The following SH3RF2 variants were observed in gnomAD, a reference collection of about 807,000 sequenced individuals.
SH3RF2 encodes the protein E3 ubiquitin-protein ligase SH3RF2.
A neutral mutation model predicts 59.0 loss-of-function variants in SH3RF2; 43 were observed. The observed-to-expected ratio is 0.73, with a 90% CI of 0.57 to 0.94. The LOEUF (loss-of-function observed/expected upper bound fraction) is 0.94. SH3RF2 is among the 40% of genes least tolerant of loss of function. The pLI is 0.00. For missense variants in SH3RF2, 930 were observed against 940.1 expected, an observed-to-expected ratio of 0.99 and a Z score of 0.14; for synonymous variants, 391 against 391.5, an observed-to-expected ratio of 1.00 and a Z score of 0.01.
chr5:145,984,424 C>T (rs866971840), intron 2 of SH3RF2, among the ~76,000 whole-genome samples: 2 of 152,132 alleles, frequency 1.3e-5, no homozygotes, highest in Admixed American at 6.6e-5. Flanking sequence ...AAAGACTCAG[C>T]GAACAATGCC....
chr5:146,076,651 G>A (rs1229954734), intron 9 of SH3RF2, among the ~76,000 whole-genome samples: 2 of 152,200 alleles, frequency 1.3e-5, no homozygotes, highest in Non-Finnish European at 1.5e-5. Flanking sequence ...TTGCTGTTGT[G>A]CTGAATGGAG....
At chr5:146,041,957 A>AATAAT (rs1361074712) in intron 5 of SH3RF2, among the ~76,000 whole-genome samples, 1 of 152,074 alleles carries the variant, frequency 6.6e-6, no homozygotes, top group Non-Finnish European at 1.5e-5. Context: ...AATAAAATAA[A>AATAAT]ATGTAGCCCT....
At chr5:146,050,209 G>A (rs1762447916) in intron 7 of SH3RF2, 1 of 152,280 alleles carries the variant, frequency 6.6e-6, no homozygotes, top group African/African-American at 2.4e-5. Flanking sequence ...AAGGGACAGA[G>A]GGATCACAAT....
At chr5:146,013,271 G>T (rs373550479) in intron 4 of SH3RF2, among the ~76,000 whole-genome samples, 1 of 152,166 alleles carries the variant, frequency 6.6e-6, no homozygotes, top group Admixed American at 6.5e-5. Context: ...TGGGGGAAAG[G>T]CAAGTAAAGG....
intron 2 of SH3RF2, among the ~76,000 whole-genome samples, chr5:145,947,983 C>T (rs1258173288): frequency 6.6e-6 from 1 of 152,016 alleles, no homozygotes; most frequent in Non-Finnish European, 1.5e-5. Flanking sequence ...ACTTATTATG[C>T]ATGATGCAGT....
chr5:145,986,034 T>C (rs1759690992), intron 2 of SH3RF2, among the ~76,000 whole-genome samples: 1 of 137,066 alleles, frequency 7.3e-6, no homozygotes, highest in South Asian at 2.1e-4. Flanking sequence ...AATAAATAAA[T>C]AAATAAATAA....
intron 2 of SH3RF2, chr5:145,997,115 G>A (rs1001015237): frequency 1.6e-6 from 1 of 628,574 alleles, no homozygotes; most frequent in African/African-American, 1.8e-5. Flanking sequence ...CATTTGTTGT[G>A]CAGGTTATTT....
Position 146,062,564 on chromosome 5 carries a change from A to G in SH3RF2, c.2053A>G (p.Met685Val), listed in dbSNP as rs770834126. The change falls in exon 10 of 10, where the codon ATG becomes GTG. Residue 685 changes from methionine to valine, a missense_variant. By Grantham distance (21) the Met-to-Val change is conservative (BLOSUM62 1). Coordinates refer to ENST00000359120, the MANE Select transcript of SH3RF2 (RefSeq NM_152550.4). Reference protein sequence around the residue: ...QPEAASLGPEMTVLFAHRSGC... With the variant: ...QPEAASLGPEVTVLFAHRSGC... ...TGAAGCAGCGTCCTTGGGCCCAGAG[A>G]TGACCGTCCTATTTGCCCACCGAAG... 2 of 1,614,064 alleles carry G rather than the reference A, an allele frequency of 1.2e-6. No individual in the cohort carries two copies. The highest frequency in any genetic ancestry group is 2.2e-5 in the South Asian group (2 of 91,070).
intron 9 of SH3RF2, among the ~76,000 whole-genome samples, chr5:146,068,337 C>T (rs543884497): frequency 5.9e-5 from 9 of 152,328 alleles, no homozygotes; most frequent in Admixed American, 3.9e-4. Context: ...GCAGGCAGAA[C>T]GGCAAAGTCC....
chr5:146,049,003 C>T (rs1561762513), intron 6 of SH3RF2, 72 bp from the exon 7 acceptor site: 2 of 1,563,678 alleles, frequency 1.3e-6, no homozygotes, highest in Non-Finnish European at 1.8e-6. Flanking sequence ...CTCTCTCCAC[C>T]ATTCCCCCAC....
At chr5:146,032,070 A>G (rs988362462) in intron 5 of SH3RF2, among the ~76,000 whole-genome samples, 4 of 152,258 alleles carry the variant, frequency 2.6e-5, no homozygotes, top group South Asian at 4.1e-4. Context: ...CCCATCATCT[A>G]TCTCTGCTTC....
chr5:146,070,976 A>T (rs1181887016), intron 9 of SH3RF2, among the ~76,000 whole-genome samples: 4 of 152,170 alleles, frequency 2.6e-5, no homozygotes, highest in African/African-American at 9.7e-5. Flanking sequence ...AGCATGACCG[A>T]CCGACTTAAT....
chr5:145,966,692 A>G (rs2149958603), intron 2 of SH3RF2, among the ~76,000 whole-genome samples: 1 of 152,314 alleles, frequency 6.6e-6, no homozygotes, highest in South Asian at 2.1e-4. Flanking sequence ...AAAGAAAGAG[A>G]TGATAAGAAG....
intron 5 of SH3RF2, among the ~76,000 whole-genome samples, chr5:146,014,434 G>T (rs576792120): frequency 6.6e-6 from 1 of 152,138 alleles, no homozygotes; most frequent in South Asian, 2.1e-4. Context: ...GAGTGTTTTG[G>T]CATCACAATC....
chr5:145,997,453 T>C (rs1580833491), intron 2 of SH3RF2: 1 of 1,509,706 alleles, frequency 6.6e-7, no homozygotes. Context: ...GATGTTTATG[T>C]CTTTGTGAAA....
downstream of SH3RF2, among the ~76,000 whole-genome samples, chr5:146,063,794 A>G (rs1284132855): frequency 6.6e-6 from 1 of 152,184 alleles, no homozygotes; most frequent in Non-Finnish European, 1.5e-5. Flanking sequence ...CGGGAGGCGG[A>G]GATTACAGTG....
chr5:146,038,227 C>A (rs938571992), intron 5 of SH3RF2, among the ~76,000 whole-genome samples: 2 of 152,082 alleles, frequency 1.3e-5, no homozygotes, highest in African/African-American at 4.8e-5. Flanking sequence ...AAACATCATA[C>A]TTAATGGTGA....
chr5:145,989,814 G>T (rs1384175276), intron 2 of SH3RF2, among the ~76,000 whole-genome samples: 3 of 152,104 alleles, frequency 2.0e-5, no homozygotes, highest in African/African-American at 7.2e-5. Context: ...TTTTTCCCTT[G>T]TATGTGTCAC....
At chr5:145,961,174 C>CTT (rs869156939) in intron 2 of SH3RF2, among the ~76,000 whole-genome samples, 1,734 of 90,870 alleles carry the variant, frequency 0.019, 139 homozygotes, top group African/African-American at 0.057. Context: ...CTGCATCCTC[C>CTT]TTTTTTTTTT....
Sources: allele counts gnomAD v4.1 joint callset (sites outside exome capture counted in the v4.1 genomes callset), GRCh38; gene constraint gnomAD v4.1.1; transcripts MANE v1.5; gene names NCBI Gene and HGNC (gene_info 2026-07-23, HGNC 2026-07-21).